The following SLAIN2 variants were observed in gnomAD, a reference collection of about 807,000 sequenced individuals.
SLAIN2 encodes the protein SLAIN family member 2.
SLAIN2 carries 31 observed loss-of-function variants against 56.6 expected under a neutral mutation model. The observed-to-expected ratio is 0.55, with a 90% CI of 0.41 to 0.74. The LOEUF (loss-of-function observed/expected upper bound fraction) is 0.74, where lower values mean the gene tolerates loss of function less well. Ranked by LOEUF, SLAIN2 falls within the 30% of genes least tolerant of loss-of-function variation. SLAIN2 has a pLI of 0.00. For missense variants in SLAIN2, 777 were observed against 754.2 expected (o/e 1.03, Z -0.35); for synonymous variants, 317 against 284.9 (o/e 1.11, Z -1.13).
Position 48,420,335 on chromosome 4 carries a change from C to T in SLAIN2, c.1571C>T (p.Thr524Ile). The change falls in exon 7 of 8, where the codon ACC becomes ATC. Residue 524 changes from threonine to isoleucine, a missense_variant. Physicochemically the swap from Thr to Ile is moderately conservative, Grantham distance 89. Transcript: ENST00000264313. Reference sequence around the variant, plus strand: ...AGCAATATCAACAGCGCTACTCTAACCAGACCTGCAGGGACAACTGCAATG... The same window carrying T: ...AGCAATATCAACAGCGCTACTCTAATCAGACCTGCAGGGACAACTGCAATG... ...PPSNINSATLTRPAGTTAMRS... is the reference protein window; with the variant it reads ...PPSNINSATLIRPAGTTAMRS... 3 of 1,614,020 alleles carry T rather than the reference C, an allele frequency of 1.9e-6. No homozygotes were observed. The highest frequency in any genetic ancestry group is 2.5e-6 in the Non-Finnish European group (3 of 1,179,882).
At chr4:48,372,812 A>G (rs1471557033) in intron 2 of SLAIN2, among the ~76,000 whole-genome samples, 2 of 152,196 alleles carry the variant, frequency 1.3e-5, no homozygotes, top group African/African-American at 4.8e-5. Flanking sequence ...TATATTTAAA[A>G]TCTTTTAAGG....
rs576028395 is a variant in SLAIN2 at position 48,360,668 on chromosome 4, G to A, written c.390-9181G>A. On this transcript the variant is annotated intron_variant, in intron 1 of 7. Coordinates refer to ENST00000264313, the MANE Select transcript of SLAIN2 (RefSeq NM_020846.2). ...TTTTCAGTGTTCAGTAGTTTTTAAC[G>A]TATTCACAGAATAGTACAACCATCA... Among the ~76,000 whole-genome samples the A allele has an allele frequency of 3.3e-5, 5 of 152,194 alleles. No homozygotes were observed. In the South Asian group the frequency reaches 6.2e-4, roughly 19 times the overall value.
chr4:48,370,008 A>C lies in SLAIN2; in HGVS notation c.538+11A>C. On this transcript the variant is annotated intron_variant, in intron 2 of 7. Coordinates refer to ENST00000264313, the MANE Select transcript of SLAIN2 (RefSeq NM_020846.2). ...ATCAAACTATGTCAGGTATGTCTAT[A>C]ATTTTGCTTGTAAATTCATCTCTTT... 1 of 1,609,664 alleles carries C rather than the reference A, an allele frequency of 6.2e-7. No homozygotes were observed. The highest frequency in any genetic ancestry group is 8.5e-7 in the Non-Finnish European group (1 of 1,177,738).
Position 48,341,788 on chromosome 4 carries a change from C to A in SLAIN2, c.49C>A (p.Leu17Met). 1 of 1,530,660 alleles carries A rather than the reference C, an allele frequency of 6.5e-7. No homozygotes were observed. The highest frequency in any genetic ancestry group is 8.8e-7 in the Non-Finnish European group (1 of 1,138,894). 94.8% of individuals were successfully genotyped at this position (1,530,660 alleles called of 1,614,324 possible). ...NVNADQEVRKLQELVKKLEKQ... is the reference protein window; with the variant it reads ...NVNADQEVRKMQELVKKLEKQ... ...GAACGCGGACCAGGAGGTGCGGAAG[C>A]TGCAGGAGCTGGTGAAGAAGCTGGA... The change falls in exon 1 of 8, where the codon CTG becomes ATG. Residue 17 changes from leucine (L) to methionine (M), a missense_variant. Coordinates refer to ENST00000264313, the MANE Select transcript of SLAIN2 (RefSeq NM_020846.2).
At chr4:48,366,026 C>G (rs181848536) in intron 1 of SLAIN2, among the ~76,000 whole-genome samples, 1 of 152,222 alleles carries the variant, frequency 6.6e-6, no homozygotes, top group Admixed American at 6.5e-5. Context: ...TGTTTTTATT[C>G]AGTTCACAGT....
chr4:48,341,920 G>T lies in SLAIN2; in HGVS notation c.181G>T (p.Ala61Ser). Reference protein sequence around the residue: ...RAGASIPSSGAASPRGFPLGL... With the variant: ...RAGASIPSSGSASPRGFPLGL... ...CGGCGCGTCCATTCCCTCCTCCGGC[G>T]CGGCGTCTCCTCGGGGCTTCCCCTT... is the stretch of plus-strand genomic sequence containing the variant. Residue 61 changes from alanine to serine, a missense_variant, in exon 1 of 8, where the codon GCG becomes TCG. Transcript: ENST00000264313. 1 of 1,505,910 alleles carries T rather than the reference G, an allele frequency of 6.6e-7. No individual in the cohort carries two copies. Among genetic ancestry groups the T allele is most frequent in the Non-Finnish European group, 8.9e-7 (1 of 1,129,162 alleles). 93.3% of individuals were successfully genotyped at this position (1,505,910 alleles called of 1,614,324 possible).
Position 48,383,662 on chromosome 4 carries a change from G to A in SLAIN2, c.1238G>A (p.Ser413Asn). The stretch of plus-strand genomic sequence containing the variant: ...TCTGTTGCAGAAAAACTAAGACGCA[G>A]TCTTCCAAACCTGTCCCGAACATCT... ...NVKNEEKLRR[S>N]LPNLSRTSNT... Residue 413 changes from serine (S) to asparagine (N), a missense_variant, in exon 6 of 8, where the codon AGT becomes AAT. Physicochemically the swap from Ser to Asn is conservative, Grantham distance 46. Transcript: ENST00000264313. 1 of 1,575,222 alleles carries A rather than the reference G, an allele frequency of 6.3e-7. No homozygotes were observed. The highest frequency in any genetic ancestry group is 1.2e-5 in the South Asian group (1 of 84,274).
At chr4:48,359,983 G>A (rs1279790587) in intron 1 of SLAIN2, among the ~76,000 whole-genome samples, 3 of 151,856 alleles carry the variant, frequency 2.0e-5, no homozygotes, top group Admixed American at 1.3e-4. Context: ...GTGAAACCCC[G>A]TCTCTACTAA....
intron 6 of SLAIN2, 130 bp from the exon 7 acceptor site, chr4:48,419,995 T>A: frequency 1.2e-6 from 1 of 866,300 alleles, no homozygotes. Flanking sequence ...ATAGCTTTTA[T>A]TGTTTGCATT....
intron 2 of SLAIN2, among the ~76,000 whole-genome samples, chr4:48,377,469 G>A (rs577869913): frequency 1.5e-4 from 23 of 151,450 alleles, no homozygotes; most frequent in Non-Finnish European, 2.5e-4. Flanking sequence ...ATGAGCCACC[G>A]TGCCTGGCCC....
At chr4:48,360,111 G>A (rs543517374) in intron 1 of SLAIN2, among the ~76,000 whole-genome samples, 17 of 147,546 alleles carry the variant, frequency 1.2e-4, no homozygotes, top group Admixed American at 6.7e-4. Context: ...CTGAGATCGC[G>A]CCATTGCATT....
chr4:48,358,711 T>A (rs1161871363), intron 1 of SLAIN2, among the ~76,000 whole-genome samples: 1 of 148,120 alleles, frequency 6.8e-6, no homozygotes, highest in Non-Finnish European at 1.5e-5. Flanking sequence ...GATACTTGTA[T>A]TTTTTTATTT....
chr4:48,378,404 A>T (rs1380602142), intron 3 of SLAIN2, among the ~76,000 whole-genome samples: 1 of 152,224 alleles, frequency 6.6e-6, no homozygotes, highest in Non-Finnish European at 1.5e-5. Flanking sequence ...AAACCTCTTT[A>T]TAGGAATTTT....
At chr4:48,342,170 C>A (rs1364568214) in intron 1 of SLAIN2, 42 bp downstream of exon 1, 16 of 1,328,220 alleles carry the variant, frequency 1.2e-5, no homozygotes, top group Non-Finnish European at 1.5e-5. Context: ...GGGGACGGGC[C>A]CGGGGGCGGA....
intron 6 of SLAIN2, among the ~76,000 whole-genome samples, chr4:48,413,031 C>T: frequency 6.6e-6 from 1 of 151,852 alleles, no homozygotes; most frequent in East Asian, 1.9e-4. Context: ...AGGTTGAGAC[C>T]AGCCAGACCA....
chr4:48,388,989 A>G (rs865845705), intron 6 of SLAIN2, among the ~76,000 whole-genome samples: 27 of 152,340 alleles, frequency 1.8e-4, no homozygotes, highest in Admixed American at 1.4e-3. Context: ...CAGCTTATGC[A>G]TAGCCATCCT....
chr4:48,403,688 C>T (rs760754558), intron 6 of SLAIN2, among the ~76,000 whole-genome samples: 1 of 152,154 alleles, frequency 6.6e-6, no homozygotes, highest in African/African-American at 2.4e-5. Context: ...TGTGAGGTGC[C>T]GTGGGAATGG....
chr4:48,351,865 C>T (rs1245851598), intron 1 of SLAIN2, among the ~76,000 whole-genome samples: 1 of 152,126 alleles, frequency 6.6e-6, no homozygotes, highest in Non-Finnish European at 1.5e-5. Flanking sequence ...TGTATATGGG[C>T]TTAAAAGTGA....
chr4:48,422,298 G>T lies in SLAIN2; in HGVS notation c.*221G>T. 2.3e-6 allele frequency: 1 copy of T among 438,292 alleles called. No individual in the cohort carries two copies. Among genetic ancestry groups the T allele is most frequent in the African/African-American group, 2.0e-5 (1 of 50,100 alleles). 27.2% of individuals were successfully genotyped at this position (438,292 alleles called of 1,614,324 possible). ...GGTAATCATACAATCACTCTCCATA[G>T]AATCACTTTTAGTTTTGTTTAATAG... On this transcript the variant is annotated 3_prime_UTR_variant, in exon 8 of 8. Coordinates refer to ENST00000264313, the MANE Select transcript of SLAIN2 (RefSeq NM_020846.2).
Sources: allele counts gnomAD v4.1 joint callset (sites outside exome capture counted in the v4.1 genomes callset), GRCh38; gene constraint gnomAD v4.1.1; transcripts MANE v1.5; gene names NCBI Gene and HGNC (gene_info 2026-07-23, HGNC 2026-07-21).